The following TAFA4 variants were observed in gnomAD, a reference collection of about 807,000 sequenced individuals.
The protein encoded by TAFA4 is TAFA chemokine like family member 4, also known as chemokine-like protein TAFA-4.
Under a neutral mutation model 21.1 loss-of-function variants are expected in TAFA4, and 20 were observed. The ratio of observed to expected loss-of-function variants is 0.95; its 90% CI spans 0.67 to 1.38. The LOEUF (loss-of-function observed/expected upper bound fraction) is 1.38, where lower values mean the gene tolerates loss of function less well. TAFA4 is among the 40% of genes most tolerant of loss of function. The probability of loss-of-function intolerance (pLI) is 0.00; values close to 1 mark genes in which losing one functional copy is unlikely to be tolerated. For synonymous variants in TAFA4, 71 were observed against 67.4 expected (o/e 1.05, Z -0.26); for missense variants, 211 against 180.9 (o/e 1.17, Z -0.95).
At position 68,880,838 on chromosome 3, in the gene TAFA4, C is replaced by T. The variant is rs201168159; in HGVS notation, c.22G>A (p.Val8Ile). 4.2e-5 allele frequency: 68 copies of T among 1,613,092 alleles called. No individual in the cohort carries two copies. Among genetic ancestry groups the T allele is most frequent in the Non-Finnish European group, 5.5e-5 (65 of 1,179,820 alleles). ...GACAGCAACACTGACTTAGCACAGA[C>T]TCTCATCCTGGAGGAAAAGCAGGGC... MRSPRMR[V>I]CAKSVLLSHW... is the part of the protein sequence containing the mutation. Residue 8 changes from valine (V) to isoleucine (I), a missense_variant, in exon 3 of 6, where the codon GTC becomes ATC. Physicochemically the swap from Val to Ile is conservative, Grantham distance 29. Transcript: ENST00000295569.
At chr3:68,776,087 C>T (rs977580006) in intron 3 of TAFA4, among the ~76,000 whole-genome samples, 2 of 151,838 alleles carry the variant, frequency 1.3e-5, no homozygotes, top group Non-Finnish European at 2.9e-5. Flanking sequence ...GGCAGAGTAA[C>T]AGAGGAATGG....
rs558850340 is a variant in TAFA4 at position 68,857,821 on chromosome 3, C to A, written c.130+22909G>T. On this transcript the variant is annotated intron_variant, in intron 3 of 5. Transcript: ENST00000295569. Reference sequence around the variant, plus strand: ...AACATCATTCAAAACAAAAAAAAAACAAAAAGAAAAAAAAACAAAGAAAAG... The same window carrying A: ...AACATCATTCAAAACAAAAAAAAAAAAAAAAGAAAAAAAAACAAAGAAAAG... Among the ~76,000 whole-genome samples the A allele has an allele frequency of 1.6e-3, 235 of 147,438 alleles. 1 individual carries two copies. The highest frequency in any genetic ancestry group is 3.8e-3 in the Admixed American group (56 of 14,858).
chr3:68,866,403 G>A (rs1157749131), intron 3 of TAFA4, among the ~76,000 whole-genome samples: 1 of 151,858 alleles, frequency 6.6e-6, no homozygotes, highest in Non-Finnish European at 1.5e-5. Flanking sequence ...AGGATTAAGG[G>A]AACTCAACAG....
At chr3:68,746,417 A>G (rs1302517921) in intron 4 of TAFA4, among the ~76,000 whole-genome samples, 1 of 152,204 alleles carries the variant, frequency 6.6e-6, no homozygotes, top group Non-Finnish European at 1.5e-5. Flanking sequence ...AGAAAAATGT[A>G]TGTTTCTACT....
chr3:68,862,737 G>A (rs969737029), intron 3 of TAFA4, among the ~76,000 whole-genome samples: 6 of 151,912 alleles, frequency 3.9e-5, no homozygotes, highest in South Asian at 2.1e-4. Flanking sequence ...GGCTGGTACC[G>A]TCTGAGATGT....
chr3:68,821,290 G>A (rs545454469), intron 3 of TAFA4, among the ~76,000 whole-genome samples: 1 of 148,758 alleles, frequency 6.7e-6, no homozygotes, highest in Non-Finnish European at 1.5e-5. Context: ...AGATATGATG[G>A]CTGTAGATTT....
intron 3 of TAFA4, among the ~76,000 whole-genome samples, chr3:68,845,036 G>A (rs1460169445): frequency 2.6e-5 from 4 of 152,126 alleles, no homozygotes; most frequent in African/African-American, 4.8e-5. Flanking sequence ...TACTAGGTCC[G>A]CTTGGTCCAG....
chr3:68,807,874 C>G (rs78564802), intron 3 of TAFA4, among the ~76,000 whole-genome samples: 3,471 of 152,244 alleles, frequency 0.023, 130 homozygotes, highest in African/African-American at 0.08. Flanking sequence ...CATATAATTG[C>G]AAGTATCTGG....
At chr3:68,798,786 C>G (rs1416620864) in intron 3 of TAFA4, among the ~76,000 whole-genome samples, 1 of 151,932 alleles carries the variant, frequency 6.6e-6, no homozygotes, top group Non-Finnish European at 1.5e-5. Context: ...AATAAAACTA[C>G]ATACAAGATA....
chr3:68,857,720 G>C (rs1350260558), intron 3 of TAFA4, among the ~76,000 whole-genome samples: 2 of 151,702 alleles, frequency 1.3e-5, no homozygotes, highest in Non-Finnish European at 2.9e-5. Flanking sequence ...TTGTTCCAAA[G>C]TGTTCAAGAC....
At chr3:68,770,350 T>C (rs1445215622) in intron 3 of TAFA4, among the ~76,000 whole-genome samples, 3 of 152,226 alleles carry the variant, frequency 2.0e-5, no homozygotes, top group African/African-American at 7.2e-5. Flanking sequence ...AGGTTGATGA[T>C]AGCATGTTCT....
chr3:68,929,227 G>A (rs1037138679), intron 1 of TAFA4, among the ~76,000 whole-genome samples: 19 of 152,242 alleles, frequency 1.2e-4, no homozygotes, highest in Admixed American at 9.2e-4. Context: ...CTTAAGTCTC[G>A]AAGTCAGGGC....
At chr3:68,833,550 G>A (rs1704451837) in intron 3 of TAFA4, among the ~76,000 whole-genome samples, 1 of 152,022 alleles carries the variant, frequency 6.6e-6, no homozygotes, top group Non-Finnish European at 1.5e-5. Flanking sequence ...GGCACTTAGG[G>A]ATAAAAGGTA....
chr3:68,759,663 G>A (rs1391246902), intron 3 of TAFA4, among the ~76,000 whole-genome samples: 2 of 152,120 alleles, frequency 1.3e-5, no homozygotes, highest in African/African-American at 2.4e-5. Flanking sequence ...ATAACATGAG[G>A]CCCCTGCAAT....
chr3:68,802,309 T>A (rs1206627915), intron 3 of TAFA4, among the ~76,000 whole-genome samples: 3 of 152,138 alleles, frequency 2.0e-5, no homozygotes, highest in Non-Finnish European at 4.4e-5. Context: ...TATGGAGCAT[T>A]CTAATTCAAG....
intron 3 of TAFA4, among the ~76,000 whole-genome samples, chr3:68,793,014 G>A (rs1265960401): frequency 1.3e-5 from 2 of 152,138 alleles, no homozygotes; most frequent in African/African-American, 2.4e-5. Context: ...AAGGAGTTAT[G>A]TTGTCTCTTA....
At chr3:68,816,266 G>A (rs747124279) in intron 3 of TAFA4, among the ~76,000 whole-genome samples, 1 of 152,070 alleles carries the variant, frequency 6.6e-6, no homozygotes, top group Non-Finnish European at 1.5e-5. Flanking sequence ...GTATACATAT[G>A]TAACAAACCT....
At chr3:68,919,024 T>C (rs1474349993) in intron 1 of TAFA4, among the ~76,000 whole-genome samples, 3 of 152,188 alleles carry the variant, frequency 2.0e-5, no homozygotes, top group Non-Finnish European at 1.5e-5. Flanking sequence ...ACCCCTGCCA[T>C]AGGATTCACA....
intron 3 of TAFA4, among the ~76,000 whole-genome samples, chr3:68,834,228 A>C (rs1238839072): frequency 6.6e-6 from 1 of 152,178 alleles, no homozygotes; most frequent in Non-Finnish European, 1.5e-5. Flanking sequence ...TCCATGTAGT[A>C]AAGAACCTAC....
Sources: allele counts gnomAD v4.1 joint callset (sites outside exome capture counted in the v4.1 genomes callset), GRCh38; gene constraint gnomAD v4.1.1; transcripts MANE v1.5; gene names NCBI Gene and HGNC (gene_info 2026-07-23, HGNC 2026-07-21).